GPLD1: variants seen among roughly 807,000 people sequenced by gnomAD.
The protein encoded by GPLD1 is phosphatidylinositol-glycan-specific phospholipase D.
In GPLD1, 84 loss-of-function variants were observed where a neutral mutation model predicts 112.6. The observed-to-expected ratio is 0.75, with a 90% CI of 0.63 to 0.89. The LOEUF is 0.89. Ranked by LOEUF, GPLD1 falls within the 40% of genes least tolerant of loss-of-function variation. The pLI is 0.00. For missense variants in GPLD1, 1,044 were observed against 1,051.5 expected (o/e 0.99, Z 0.10); for synonymous variants, 386 against 403.8 (o/e 0.96, Z 0.53).
At chr6:24,491,607 C>T (rs780902211), upstream of GPLD1, among the ~76,000 whole-genome samples, 1 of 151,962 alleles carries the variant, frequency 6.6e-6, no homozygotes, top group African/African-American at 2.4e-5. Flanking sequence ...ACTCAGGAGG[C>T]TGAGGCGGGA....
chr6:24,436,787 T>C, intron 21 of GPLD1, 51 bp from the exon 22 acceptor site: 1 of 1,573,654 alleles, frequency 6.4e-7, no homozygotes, highest in African/African-American at 1.4e-5. Flanking sequence ...CTCACTGTCA[T>C]CTTTTCCTTG....
intron 14 of GPLD1, among the ~76,000 whole-genome samples, chr6:24,452,640 G>C (rs555451904): frequency 2.0e-5 from 3 of 152,060 alleles, no homozygotes; most frequent in Non-Finnish European, 4.4e-5. Context: ...GCCGGGCATG[G>C]CGGTGCATGC....
Position 24,428,735 on chromosome 6 carries a change from T to G in GPLD1, c.*297A>C. On this transcript the variant is annotated 3_prime_UTR_variant, in exon 25 of 25. Transcript: ENST00000230036. Reference sequence around the variant, plus strand: ...GTACAGCAGGTCTGACTACAGGCAATAAGTTGGGAAAGAAGAAAGGTTTAG... The same window carrying G: ...GTACAGCAGGTCTGACTACAGGCAAGAAGTTGGGAAAGAAGAAAGGTTTAG... The G allele has an allele frequency of 3.9e-6, 1 of 258,538 alleles. No homozygotes were observed. Among genetic ancestry groups the G allele is most frequent in the Non-Finnish European group, 7.3e-6 (1 of 137,068 alleles). The allele number at this position is 258,538 out of a possible 1,614,324, so 16.0% of individuals were successfully genotyped here.
chr6:24,483,433 C>T (rs1561858689), intron 2 of GPLD1, among the ~76,000 whole-genome samples: 1 of 151,900 alleles, frequency 6.6e-6, no homozygotes, highest in South Asian at 2.1e-4. Flanking sequence ...TATCCCAGCA[C>T]GTTGGGAGGC....
At chr6:24,432,580 G>A (rs1017864127) in intron 24 of GPLD1, among the ~76,000 whole-genome samples, 5 of 152,182 alleles carry the variant, frequency 3.3e-5, no homozygotes, top group Admixed American at 1.3e-4. Context: ...CAGCATGGGC[G>A]ACAGAGCAAG....
chr6:24,446,349 T>TAA (rs35711560), intron 18 of GPLD1, among the ~76,000 whole-genome samples: 2,666 of 149,316 alleles, frequency 0.018, 71 homozygotes, highest in African/African-American at 0.053. Context: ...GTTTTTAAAT[T>TAA]AAAAAAAAAA....
chr6:24,433,954 C>T (rs1345563771), intron 22 of GPLD1, among the ~76,000 whole-genome samples: 1 of 152,042 alleles, frequency 6.6e-6, no homozygotes, highest in African/African-American at 2.4e-5. Flanking sequence ...GGAAATGGCA[C>T]AATTGACTAA....
chr6:24,473,599 C>G lies in GPLD1; in HGVS notation c.490+20G>C, dbSNP rs756541313. ...TGAACTATACCACGAGAAAATTTAG[C>G]AAATGTAAATAAACAGTACCAAAAT... is the stretch of plus-strand genomic sequence containing the variant. On this transcript the variant is annotated intron_variant, in intron 6 of 24. Coordinates refer to ENST00000230036, the MANE Select transcript of GPLD1 (RefSeq NM_001503.4). The G allele has an allele frequency of 2.6e-6, 4 of 1,537,298 alleles. No individual in the cohort carries two copies. The highest frequency in any genetic ancestry group is 1.7e-5 in the Admixed American group (1 of 59,882).
chr6:24,483,417 C>T (rs1764267031), intron 2 of GPLD1, among the ~76,000 whole-genome samples: 1 of 143,368 alleles, frequency 7.0e-6, no homozygotes, highest in Non-Finnish European at 1.5e-5. Flanking sequence ...AGTGGCTCAC[C>T]CCTATTATCC....
At chr6:24,457,700 G>A (rs571564530) in intron 12 of GPLD1, among the ~76,000 whole-genome samples, 15 of 152,036 alleles carry the variant, frequency 9.9e-5, no homozygotes, top group Non-Finnish European at 1.8e-4. Flanking sequence ...GGCCAATATA[G>A]TAAAACCCCG....
At chr6:24,460,995 G>C (rs139450859) in intron 11 of GPLD1, among the ~76,000 whole-genome samples, 1 of 152,092 alleles carries the variant, frequency 6.6e-6, no homozygotes, top group East Asian at 1.9e-4. Context: ...CACCTGCCTC[G>C]GTCTCCCAAA....
chr6:24,464,835 C>T (rs1763546058), intron 10 of GPLD1, among the ~76,000 whole-genome samples: 1 of 152,174 alleles, frequency 6.6e-6, no homozygotes, highest in African/African-American at 2.4e-5. Flanking sequence ...TAGCCACACC[C>T]ACATCTCAAC....
At chr6:24,433,650 G>T in intron 22 of GPLD1, 1 of 349,282 alleles carries the variant, frequency 2.9e-6, no homozygotes, top group Non-Finnish European at 5.2e-6. Context: ...CCACCACCAC[G>T]CCCGGTTAAT....
In GPLD1 at chr6:24,429,042, C is replaced by A; in HGVS notation, c.2513G>T (p.Gly838Val). ...LSGALHVYSL[G>V]SD is the part of the protein sequence containing the mutation. ...AATGCAGTGAAATCTTCAATCTGAG[C>A]CAAGGCTATAGACGTGAAGTGCCCC... Residue 838 changes from glycine (G) to valine (V), a missense_variant, in exon 25 of 25, where the codon GGC becomes GTC. Gly to Val is a moderately radical substitution (Grantham distance 109). Coordinates refer to ENST00000230036, the MANE Select transcript of GPLD1 (RefSeq NM_001503.4). 1 of 1,610,332 alleles carries A rather than the reference C, an allele frequency of 6.2e-7. No individual in the cohort carries two copies. The highest frequency in any genetic ancestry group is 1.1e-5 in the South Asian group (1 of 90,786).
At position 24,449,816 on chromosome 6, in the gene GPLD1, C is replaced by T. The variant is rs759179113; in HGVS notation, c.1419G>A (p.Ser473=). Residue 473 remains serine, a synonymous_variant, in exon 15 of 25, where the codon TCG becomes TCA. Transcript: ENST00000230036. ...GVPDLAVGAP[S]VGSEQLTYKG... ...TGTAGGTGAGCTGCTCGGAGCCCACCGAGGGAGCTCCCACGGCCAGGTCAG... is the reference window on the plus strand; with the variant it reads ...TGTAGGTGAGCTGCTCGGAGCCCACTGAGGGAGCTCCCACGGCCAGGTCAG... 1.7e-5 allele frequency: 27 copies of T among 1,613,032 alleles called. No individual in the cohort carries two copies. Among genetic ancestry groups the T allele is most frequent in the African/African-American group, 4.0e-5 (3 of 74,884 alleles).
chr6:24,448,674 C>T (rs1762988732), intron 15 of GPLD1, among the ~76,000 whole-genome samples: 1 of 152,160 alleles, frequency 6.6e-6, no homozygotes, highest in Admixed American at 6.5e-5. Context: ...ACTTACTCAA[C>T]TCCTTGCCCA....
At position 24,436,650 on chromosome 6, in the gene GPLD1, T is replaced by G. The variant is rs773920632; in HGVS notation, c.2284A>C (p.Asn762His). The G allele has an allele frequency of 6.2e-7, 1 of 1,614,038 alleles. No individual in the cohort carries two copies. Among genetic ancestry groups the G allele is most frequent in the South Asian group, 1.1e-5 (1 of 91,084 alleles). ...GGEDGRVYVY[N>H]GKETTLGDMT... ...TCACCAAGGGTGGTCTCTTTGCCAT[T>G]ATATACATATACTCGGCCGTCTTCT... Residue 762 changes from asparagine (N) to histidine (H), a missense_variant, in exon 22 of 25, where the codon AAT becomes CAT. Asn to His is a moderately conservative substitution (Grantham distance 68). Coordinates refer to ENST00000230036, the MANE Select transcript of GPLD1 (RefSeq NM_001503.4).
intron 5 of GPLD1, among the ~76,000 whole-genome samples, chr6:24,474,049 C>G (rs980580614): frequency 6.6e-6 from 1 of 151,882 alleles, no homozygotes; most frequent in Non-Finnish European, 1.5e-5. Flanking sequence ...TCACTTGCAC[C>G]TGGGAGGCAG....
chr6:24,442,607 G>C (rs893596618), intron 20 of GPLD1, among the ~76,000 whole-genome samples: 1 of 151,846 alleles, frequency 6.6e-6, no homozygotes, highest in Non-Finnish European at 1.5e-5. Context: ...ACCACGCCCA[G>C]CTAATTTTTT....
Sources: allele counts gnomAD v4.1 joint callset (sites outside exome capture counted in the v4.1 genomes callset), GRCh38; gene constraint gnomAD v4.1.1; transcripts MANE v1.5; gene names NCBI Gene and HGNC (gene_info 2026-07-23, HGNC 2026-07-21).